PI4KA: variants seen among roughly 807,000 people sequenced by gnomAD.
PI4KA encodes the protein phosphatidylinositol 4-kinase alpha.
PI4KA carries 122 observed loss-of-function variants against 271.4 expected under a neutral mutation model. The ratio of observed to expected loss-of-function variants is 0.45; its 90% CI spans 0.39 to 0.52. The LOEUF is 0.52. Among genes scored for constraint, PI4KA ranks in the 20% least tolerant of loss-of-function variants. PI4KA has a pLI of 0.00. For missense variants in PI4KA, 1,969 were observed against 2,769.1 expected, an observed-to-expected ratio of 0.71 and a Z score of 6.48; for synonymous variants, 1,041 against 1,078.8, an observed-to-expected ratio of 0.96 and a Z score of 0.69.
rs186496007 is a variant in PI4KA at position 20,827,485 on chromosome 22, G to A, written c.368-3071C>T. On this transcript the variant is annotated intron_variant, in intron 3 of 54. Coordinates refer to ENST00000255882, the MANE Select transcript of PI4KA (RefSeq NM_058004.4). ...GAGGTGAAGTTTGAAGTTGGGTAATGTGATGTCTCCAGCTTTACTCTTTTT... is the reference window on the plus strand; with the variant it reads ...GAGGTGAAGTTTGAAGTTGGGTAATATGATGTCTCCAGCTTTACTCTTTTT... Among the ~76,000 whole-genome samples the A allele has an allele frequency of 8.4e-3, 1,274 of 152,230 alleles. 10 individuals carry two copies. Among genetic ancestry groups the A allele is most frequent in the Non-Finnish European group, 0.014 (927 of 68,000 alleles).
intron 8 of PI4KA, among the ~76,000 whole-genome samples, chr22:20,812,315 A>C (rs909218406): frequency 6.6e-6 from 1 of 152,122 alleles, no homozygotes; most frequent in African/African-American, 2.4e-5. Context: ...CCTATGTTGT[A>C]ATGTCTTCTT....
At chr22:20,798,928 C>T in intron 16 of PI4KA, 165 bp downstream of exon 16, 1 of 646,182 alleles carries the variant, frequency 1.5e-6, no homozygotes. Flanking sequence ...TTTTCCCCAG[C>T]ACTCACAGCA....
intron 1 of PI4KA, among the ~76,000 whole-genome samples, chr22:20,848,295 C>T (rs577397876): frequency 6.9e-6 from 1 of 145,804 alleles, no homozygotes; most frequent in African/African-American, 2.5e-5. Flanking sequence ...AACTAACCTA[C>T]AAATTCAACA....
At chr22:20,856,930 A>G (rs1312547505) in intron 1 of PI4KA, among the ~76,000 whole-genome samples, 2 of 152,148 alleles carry the variant, frequency 1.3e-5, no homozygotes, top group Admixed American at 1.3e-4. Flanking sequence ...CATCCAATTC[A>G]CTGCATTCTC....
intron 18 of PI4KA, among the ~76,000 whole-genome samples, chr22:20,795,863 GC>G (rs571406748): frequency 2.2e-3 from 330 of 152,280 alleles, no homozygotes; most frequent in Non-Finnish European, 3.8e-3. Flanking sequence ...AGAGAGAGGT[GC>G]CCGTGGGGAG....
At position 20,803,284 on chromosome 22, in the gene PI4KA, C is replaced by A; in HGVS notation, c.1498G>T (p.Val500Leu). 6.2e-7 allele frequency: 1 copy of A among 1,614,112 alleles called. No individual in the cohort carries two copies. The highest frequency in any genetic ancestry group is 8.5e-7 in the Non-Finnish European group (1 of 1,179,956). The change falls in exon 13 of 55, where the codon GTG becomes TTG. Residue 500 changes from valine to leucine, a missense_variant. Around this residue, in one of 13 missense-constraint regions of PI4KA, gnomAD observed 228 missense variants for 261.6 expected, o/e 0.87. Transcript: ENST00000255882. The part of the protein sequence containing the change: ...GRLCERFPVV[V>L]HSVTPSLRDF... ...CGCAAGGACGGTGTCACAGAGTGCA[C>A]CACCACCGGGAACCTCTCGCACAGG...
intron 29 of PI4KA, among the ~76,000 whole-genome samples, 198 bp from the exon 30 acceptor site, chr22:20,744,918 A>G (rs529918262): frequency 6.7e-6 from 1 of 149,688 alleles, no homozygotes; most frequent in African/African-American, 2.5e-5. Context: ...ATAAGAAATT[A>G]AAAAAAAAAG....
chr22:20,753,994 C>T (rs1931000503), intron 23 of PI4KA, among the ~76,000 whole-genome samples: 2 of 151,436 alleles, frequency 1.3e-5, no homozygotes, highest in Admixed American at 1.3e-4. Context: ...CCTGGATGTG[C>T]TCTTTCTGCA....
chr22:20,853,839 C>G (rs999144289), intron 1 of PI4KA, among the ~76,000 whole-genome samples: 1 of 151,352 alleles, frequency 6.6e-6, no homozygotes. Context: ...CTTTGGGAGG[C>G]GAAGGCAGGA....
At chr22:20,813,987 T>G (rs1458293220) in intron 7 of PI4KA, among the ~76,000 whole-genome samples, 3 of 152,124 alleles carry the variant, frequency 2.0e-5, no homozygotes, top group Non-Finnish European at 4.4e-5. Flanking sequence ...TTAGTAGAGA[T>G]GGCGTTTCGC....
rs1925186194 is a variant in PI4KA at position 20,838,719 on chromosome 22, G to A, written c.169C>T (p.Leu57Phe). 1 of 1,607,420 alleles carries A rather than the reference G, an allele frequency of 6.2e-7. No individual in the cohort carries two copies. The change falls in exon 2 of 55, where the codon CTT (leucine) becomes TTT (phenylalanine). Residue 57 changes from leucine (L) to phenylalanine (F), a missense_variant. Around this residue, in one of 13 missense-constraint regions of PI4KA, gnomAD observed 540 missense variants for 555.5 expected, o/e 0.97. Coordinates refer to ENST00000255882, the MANE Select transcript of PI4KA (RefSeq NM_058004.4). ...PASLEKVQKL[L>F]CMCPVDFHGI... ...TGGAAATCCACTGGACACATGCAAAGAAGCTTTTGGACCTAGAAAATGAGA... is the reference window on the plus strand; with the variant it reads ...TGGAAATCCACTGGACACATGCAAAAAAGCTTTTGGACCTAGAAAATGAGA...
At chr22:20,824,109 G>GAAAAAAAAAAAAAA (rs113469872) in intron 4 of PI4KA, among the ~76,000 whole-genome samples, 1 of 103,626 alleles carries the variant, frequency 9.7e-6, no homozygotes. Flanking sequence ...TTAGAAAAAA[G>GAAAAAAAAAAAAAA]AAAAAAAAAA....
intron 1 of PI4KA, among the ~76,000 whole-genome samples, chr22:20,853,113 T>C (rs1295210793): frequency 6.6e-6 from 1 of 152,148 alleles, no homozygotes; most frequent in African/African-American, 2.4e-5. Context: ...CTACGACACC[T>C]CAGGATTCTG....
intron 49 of PI4KA, 25 bp from the exon 50 acceptor site, chr22:20,712,636 G>A (rs780215854): frequency 6.4e-7 from 1 of 1,569,876 alleles, no homozygotes; most frequent in Admixed American, 1.8e-5. Context: ...CAGTTCTGAG[G>A]CCCGCTGGGT....
chr22:20,838,865 T>C, intron 1 of PI4KA, 134 bp from the exon 2 acceptor site: 1 of 604,454 alleles, frequency 1.7e-6, no homozygotes, highest in Non-Finnish European at 3.0e-6. Context: ...ATAACTTGAG[T>C]TGGGAGTTTG....
intron 39 of PI4KA, 57 bp from the exon 40 acceptor site, chr22:20,727,921 C>T: frequency 7.5e-7 from 1 of 1,338,678 alleles, no homozygotes. Context: ...TGCACTCTCC[C>T]ACCACACTGG....
At chr22:20,771,283 C>T (rs922172319) in intron 19 of PI4KA, among the ~76,000 whole-genome samples, 1 of 151,902 alleles carries the variant, frequency 6.6e-6, no homozygotes, top group Non-Finnish European at 1.5e-5. Context: ...ATTAGCCAGA[C>T]GTGGTGGTGG....
intron 19 of PI4KA, among the ~76,000 whole-genome samples, chr22:20,775,500 C>T (rs187591724): frequency 1.8e-3 from 278 of 152,194 alleles, no homozygotes; most frequent in African/African-American, 6.7e-3. Flanking sequence ...TTCTGAATAC[C>T]GGGATAAAAC....
rs560531264 is a variant in PI4KA, at chr22:20,755,330, C to T, written c.2792-2150G>A. On this transcript the variant is annotated intron_variant, in intron 23 of 54. Transcript: ENST00000255882. ...CTTGTCTTTTCTTCTTCTTTCTTGG[C>T]GTGTCCTTACTTTCTGGTGTAACAA... 2.4e-4 allele frequency among the ~76,000 whole-genome samples: 37 copies of T among 152,284 alleles called. 1 individual carries two copies. Among genetic ancestry groups the T allele is most frequent in the Admixed American group, 1.6e-3 (24 of 15,298 alleles).
Sources: gnomAD v4.1 joint callset for allele counts (sites outside exome capture counted in the v4.1 genomes callset) on GRCh38, gnomAD v4.1.1 for gene constraint, gnomAD v4.1.1 regional missense constraint, MANE v1.5 for transcripts, NCBI Gene and HGNC (gene_info 2026-07-23, HGNC 2026-07-21) for gene names.